IQCM: variants seen among roughly 807,000 people sequenced by gnomAD.
IQCM encodes IQ domain-containing protein M.
Under a neutral mutation model 57.6 loss-of-function variants are expected in IQCM, and 45 were observed. That is an observed-to-expected ratio of 0.78 (90% CI 0.62 to 1.00). IQCM has a LOEUF of 1.00. Among genes scored for constraint, IQCM ranks in the 50% least tolerant of loss-of-function variants. The pLI is 0.00. For synonymous variants in IQCM, 148 were observed against 158.9 expected (o/e 0.93, Z 0.51); for missense variants, 468 against 511.6 (o/e 0.91, Z 0.82).
chr4:149,354,221 G>A (rs1006031144), intron 13 of IQCM, among the ~76,000 whole-genome samples: 18 of 148,306 alleles, frequency 1.2e-4, no homozygotes, highest in Non-Finnish European at 1.3e-4. Flanking sequence ...AAAATTAGCC[G>A]GGCGTAGTGG....
chr4:149,423,915 C>T (rs1334480082), intron 13 of IQCM, among the ~76,000 whole-genome samples: 1 of 151,804 alleles, frequency 6.6e-6, no homozygotes, highest in Admixed American at 6.6e-5. Flanking sequence ...AACTGCCATA[C>T]TACATTACAG....
chr4:149,461,499 C>T (rs1738280277), intron 12 of IQCM, among the ~76,000 whole-genome samples: 1 of 151,020 alleles, frequency 6.6e-6, no homozygotes, highest in African/African-American at 2.4e-5. Flanking sequence ...CAAACAAATA[C>T]AAAAATCAGC....
intron 12 of IQCM, among the ~76,000 whole-genome samples, chr4:149,498,849 G>C (rs1008104078): frequency 2.6e-5 from 4 of 152,110 alleles, no homozygotes; most frequent in African/African-American, 9.7e-5. Flanking sequence ...ACCGGTTTGG[G>C]TTAGAAAGGG....
intron 12 of IQCM, among the ~76,000 whole-genome samples, chr4:149,500,007 A>G (rs1041561393): frequency 1.4e-4 from 22 of 152,236 alleles, no homozygotes; most frequent in Admixed American, 5.2e-4. Context: ...CAGCTAGCCC[A>G]AGGCAACAGC....
chr4:149,581,766 A>G (rs1350911852), intron 9 of IQCM, among the ~76,000 whole-genome samples: 1 of 151,684 alleles, frequency 6.6e-6, no homozygotes, highest in African/African-American at 2.4e-5. Context: ...ATTTTTTAGT[A>G]CAGTGAGCAT....
chr4:149,693,316 A>C (rs1345994332), intron 5 of IQCM, among the ~76,000 whole-genome samples: 1 of 152,112 alleles, frequency 6.6e-6, no homozygotes, highest in Non-Finnish European at 1.5e-5. Context: ...TTAGCACTTC[A>C]ATGTGCACAA....
At chr4:149,767,874 T>C (rs527327969) in intron 2 of IQCM, among the ~76,000 whole-genome samples, 24 of 152,274 alleles carry the variant, frequency 1.6e-4, no homozygotes, top group Middle Eastern at 3.4e-3. Flanking sequence ...AGAGGAACTA[T>C]AGACACATTT....
intron 7 of IQCM, among the ~76,000 whole-genome samples, chr4:149,633,034 G>C (rs1579781882): frequency 6.7e-6 from 1 of 150,150 alleles, no homozygotes. Context: ...GGTGGCGGGC[G>C]CCTGTAGTCC....
intron 5 of IQCM, among the ~76,000 whole-genome samples, chr4:149,703,086 C>T (rs1230832958): frequency 1.3e-5 from 2 of 151,894 alleles, no homozygotes; most frequent in Non-Finnish European, 2.9e-5. Flanking sequence ...AATCCAAATG[C>T]TAAGTTGACA....
At chr4:149,506,948 C>G (rs1229207147) in intron 12 of IQCM, among the ~76,000 whole-genome samples, 1 of 152,188 alleles carries the variant, frequency 6.6e-6, no homozygotes, top group Admixed American at 6.5e-5. Flanking sequence ...GCTGTGCCCC[C>G]ACCCAAATCT....
chr4:149,440,906 G>C (rs575220760), intron 12 of IQCM, among the ~76,000 whole-genome samples: 169 of 152,088 alleles, frequency 1.1e-3, no homozygotes, highest in African/African-American at 3.9e-3. Context: ...CTAATGTTAA[G>C]ATTATTTTAA....
At chr4:149,449,986 G>C (rs1305946176) in intron 12 of IQCM, among the ~76,000 whole-genome samples, 1 of 151,858 alleles carries the variant, frequency 6.6e-6, no homozygotes, top group Non-Finnish European at 1.5e-5. Flanking sequence ...AACCAAAATA[G>C]CATGATACTG....
At chr4:149,565,642 T>G (rs373401458) in intron 9 of IQCM, among the ~76,000 whole-genome samples, 9 of 152,320 alleles carry the variant, frequency 5.9e-5, no homozygotes, top group African/African-American at 1.2e-4. Context: ...TTTGTTGATC[T>G]TTTTTACTTC....
At chr4:149,611,536 A>G (rs1372744052) in intron 8 of IQCM, among the ~76,000 whole-genome samples, 1 of 152,178 alleles carries the variant, frequency 6.6e-6, no homozygotes, top group Non-Finnish European at 1.5e-5. Context: ...TTGCAACAAC[A>G]TGAATGGAAC....
chr4:149,508,960 GA>G, intron 12 of IQCM, among the ~76,000 whole-genome samples: 1 of 152,290 alleles, frequency 6.6e-6, no homozygotes, highest in East Asian at 1.9e-4. Context: ...TTAAAAAGGG[GA>G]GTTTCCCTGC....
chr4:149,736,836 G>A (rs930150203), intron 3 of IQCM, among the ~76,000 whole-genome samples: 3 of 152,046 alleles, frequency 2.0e-5, no homozygotes, highest in African/African-American at 7.2e-5. Flanking sequence ...TCCAATCCTA[G>A]GTATTTACCA....
intron 8 of IQCM, among the ~76,000 whole-genome samples, chr4:149,607,384 T>G (rs373362006): frequency 2.6e-4 from 40 of 152,106 alleles, no homozygotes; most frequent in African/African-American, 9.2e-4. Flanking sequence ...TTCCAAGAAA[T>G]TCTAAAGGGA....
chr4:149,810,346 A>C (rs1323503076), intron 2 of IQCM, among the ~76,000 whole-genome samples: 1 of 140,182 alleles, frequency 7.1e-6, no homozygotes, highest in Non-Finnish European at 1.5e-5. Context: ...TGGATGACCG[A>C]GCAAGACACC....
chr4:149,409,809 G>A (rs1733242749), intron 13 of IQCM, among the ~76,000 whole-genome samples: 1 of 152,184 alleles, frequency 6.6e-6, no homozygotes, highest in South Asian at 2.1e-4. Context: ...TAAGCAGGCA[G>A]CAGCAATAGC....
Sources: allele counts gnomAD v4.1 joint callset (sites outside exome capture counted in the v4.1 genomes callset), GRCh38; gene constraint gnomAD v4.1.1; transcripts MANE v1.5; gene names NCBI Gene and HGNC (gene_info 2026-07-23, HGNC 2026-07-21).